RPS5: variants seen among roughly 807,000 people sequenced by gnomAD.
The protein encoded by RPS5 is small ribosomal subunit protein uS7.
A neutral mutation model predicts 20.9 loss-of-function variants in RPS5; 2 were observed. The observed-to-expected ratio is 0.10, with a 90% CI of 0.04 to 0.30. The LOEUF is 0.30. RPS5 is among the 10% of genes least tolerant of loss of function. The pLI, the probability that RPS5 is intolerant of heterozygous loss-of-function variation, is 1.00. For synonymous variants in RPS5, 112 were observed against 105.8 expected, an observed-to-expected ratio of 1.06 and a Z score of -0.36; for missense variants, 122 against 287.2, an observed-to-expected ratio of 0.42 and a Z score of 4.16.
chr19:58,393,669 G>A, intron 4 of RPS5, 182 bp downstream of exon 4: 1 of 688,932 alleles, frequency 1.5e-6, no homozygotes, highest in Non-Finnish European at 2.4e-6. Context: ...GTCCTCTTCG[G>A]GAACACATTT....
intron 2 of RPS5, chr19:58,388,636 GTTTTT>G (rs3048304): frequency 1.6e-3 from 332 of 209,560 alleles, no homozygotes; most frequent in African/African-American, 4.9e-3. Context: ...GCTGGCCGTA[GTTTTT>G]TTTTTTTTTT....
chr19:58,388,085 C>T, intron 1 of RPS5, 52 bp from the exon 2 acceptor site: 1 of 1,312,486 alleles, frequency 7.6e-7, no homozygotes, highest in Non-Finnish European at 1.1e-6. Context: ...TGCGCCTTTG[C>T]TCCATGCTAG....
chr19:58,393,364 T>A lies in RPS5; in HGVS notation c.324T>A (p.Pro108=). 1 of 1,613,968 alleles carries A rather than the reference T, an allele frequency of 6.2e-7. No homozygotes were observed. The highest frequency in any genetic ancestry group is 8.5e-7 in the Non-Finnish European group (1 of 1,179,998). Reference sequence around the variant, plus strand: ...CATATCCCCCTTCTCTCTAGAACCCTCTGCAGGTCCTGGTGAACGCCATCA... The same window carrying A: ...CATATCCCCCTTCTCTCTAGAACCCACTGCAGGTCCTGGTGAACGCCATCA... ...EIIHLLTGEN[P]LQVLVNAIIN... Residue 108 remains proline (P), a synonymous_variant, in exon 4 of 6, where the codon CCT becomes CCA. Coordinates refer to ENST00000196551, the MANE Select transcript of RPS5 (RefSeq NM_001009.4).
chr19:58,393,067 C>T lies in RPS5; in HGVS notation c.200C>T (p.Pro67Leu), dbSNP rs753583866. ...AAKRFRKAQC[P>L]IVERLTNSMM... ...AAACGCTTCCGCAAAGCTCAGTGTC[C>T]CATTGTGGAGCGCCTCACTAACTCC... The change falls in exon 3 of 6, where the codon CCC (proline) becomes CTC (leucine). Residue 67 changes from proline to leucine, a missense_variant. This residue lies in a region of RPS5 where 49 missense variants were observed against 64.9 expected (regional missense o/e 0.75). Coordinates refer to ENST00000196551, the MANE Select transcript of RPS5 (RefSeq NM_001009.4). 8.1e-6 allele frequency: 13 copies of T among 1,614,228 alleles called. No individual in the cohort carries two copies. In the Admixed American group the frequency reaches 2.2e-4, roughly 27 times the overall value.
chr19:58,391,557 T>C (rs1174109287), intron 2 of RPS5, among the ~76,000 whole-genome samples: 1 of 151,524 alleles, frequency 6.6e-6, no homozygotes, highest in Non-Finnish European at 1.5e-5. Flanking sequence ...GAGCCAAGAT[T>C]GCAACGTTGC....
intron 2 of RPS5, among the ~76,000 whole-genome samples, chr19:58,389,759 C>G (rs932754054): frequency 6.6e-6 from 1 of 151,824 alleles, no homozygotes; most frequent in Admixed American, 6.5e-5. Flanking sequence ...GCCTCAGCCT[C>G]CCAAGTAGCT....
At chr19:58,394,265 G>T in intron 4 of RPS5, 1 of 543,274 alleles carries the variant, frequency 1.8e-6, no homozygotes, top group Non-Finnish European at 3.3e-6. Context: ...TGCTGTTGAG[G>T]CAGGTCTCAA....
At chr19:58,390,677 G>A (rs1190737004) in intron 2 of RPS5, among the ~76,000 whole-genome samples, 3 of 151,884 alleles carry the variant, frequency 2.0e-5, no homozygotes, top group Admixed American at 1.3e-4. Flanking sequence ...TCTATTAAAC[G>A]TTTGTTAAGT....
chr19:58,388,588 C>T (rs8104424), intron 2 of RPS5: 18,792 of 411,890 alleles, frequency 0.046, 3,120 homozygotes, highest in African/African-American at 0.35. Context: ...TGTTTTTTTT[C>T]CCTCAATTGA....
chr19:58,388,257 T>C lies in RPS5; in HGVS notation c.108+12T>C. The C allele has an allele frequency of 6.3e-7, 1 of 1,576,616 alleles. No homozygotes were observed. Among genetic ancestry groups the C allele is most frequent in the East Asian group, 2.2e-5 (1 of 44,560 alleles). On this transcript the variant is annotated intron_variant, in intron 2 of 5. Transcript: ENST00000196551. ...ACATTTCCCTGCAGGTGAGGGGAAC[T>C]TGGTGATTGGCCTTCCTGGCTGGGG... is the stretch of plus-strand genomic sequence containing the variant.
chr19:58,392,003 T>G (rs192612799), intron 2 of RPS5, among the ~76,000 whole-genome samples: 2 of 152,272 alleles, frequency 1.3e-5, no homozygotes, highest in Admixed American at 1.3e-4. Context: ...TAGCAATGCC[T>G]GGATACATTT....
At chr19:58,389,573 A>G (rs1174523816) in intron 2 of RPS5, among the ~76,000 whole-genome samples, 1 of 150,606 alleles carries the variant, frequency 6.6e-6, no homozygotes, top group East Asian at 2.0e-4. Context: ...TCTTTCCTTC[A>G]GGGGTTTATT....
chr19:58,392,920 A>G lies in RPS5; in HGVS notation c.109-56A>G, dbSNP rs542382691. On this transcript the variant is annotated intron_variant, in intron 2 of 5. Coordinates refer to ENST00000196551, the MANE Select transcript of RPS5 (RefSeq NM_001009.4). The stretch of plus-strand genomic sequence containing the variant: ...TGATCTCTCCTCTGGTGTCTGGCCA[A>G]CGCCCATGCTGCTCCTGACCATTTT... The G allele has an allele frequency of 2.1e-5, 32 of 1,550,612 alleles. No individual in the cohort carries two copies. The East Asian group carries it at 4.1e-4, about 20-fold the overall frequency.
In RPS5 at chr19:58,388,217, A is replaced by T; in HGVS notation, c.80A>T (p.Asp27Val). Residue 27 changes from aspartate (D) to valine (V), a missense_variant, in exon 2 of 6, where the codon GAT becomes GTT. Asp to Val is a radical substitution (Grantham distance 152, BLOSUM62 -3). Around this residue, in one of 6 missense-constraint regions of RPS5, gnomAD observed 22 missense variants for 38.0 expected, o/e 0.58. Transcript: ENST00000196551. ...CTCTTTGGGAAGTGGAGCACCGATGATGTGCAGATCAATGACATTTCCCTG... is the reference window on the plus strand; with the variant it reads ...CTCTTTGGGAAGTGGAGCACCGATGTTGTGCAGATCAATGACATTTCCCTG... ...IKLFGKWSTD[D>V]VQINDISLQD... 6.2e-7 allele frequency: 1 copy of T among 1,612,756 alleles called. No individual in the cohort carries two copies. The highest frequency in any genetic ancestry group is 8.5e-7 in the Non-Finnish European group (1 of 1,179,472).
At chr19:58,393,544 G>A in intron 4 of RPS5, 57 bp downstream of exon 4, 1 of 1,574,156 alleles carries the variant, frequency 6.4e-7, no homozygotes. Flanking sequence ...AGTGGGTGGG[G>A]TCTTGCCTGG....
intron 1 of RPS5, 109 bp downstream of exon 1, chr19:58,387,448 A>G (rs547730261): frequency 6.6e-6 from 1 of 152,402 alleles, no homozygotes; most frequent in African/African-American, 2.4e-5. Flanking sequence ...GTCTCTGGAA[A>G]AGAAAATGTA....
chr19:58,393,240 C>A (rs1220437311), intron 3 of RPS5, 55 bp downstream of exon 3: 1 of 1,612,300 alleles, frequency 6.2e-7, no homozygotes, highest in Admixed American at 1.7e-5. Context: ...ACCCGAAAGC[C>A]CCACGGAGTG....
At chr19:58,387,450 G>A (rs1167610391) in intron 1 of RPS5, 111 bp downstream of exon 1, 1 of 152,316 alleles carries the variant, frequency 6.6e-6, no homozygotes, top group Non-Finnish European at 1.5e-5. Context: ...CTCTGGAAAA[G>A]AAAATGTAGA....
Position 58,393,715 on chromosome 19 carries a change from T to G in RPS5, c.447+228T>G. 3 of 542,024 alleles carry G rather than the reference T, an allele frequency of 5.5e-6. No individual in the cohort carries two copies. The South Asian group carries it at 7.2e-5, about 13-fold the overall frequency. 33.6% of individuals were successfully genotyped at this position (542,024 alleles called of 1,614,324 possible). On this transcript the variant is annotated intron_variant, in intron 4 of 5. Coordinates refer to ENST00000196551, the MANE Select transcript of RPS5 (RefSeq NM_001009.4). Reference sequence around the variant, plus strand: ...TTCTTTCTTTCCTTTGGGTGTATATTTTTACACTGTGTGTATATGTACTTT... The same window carrying G: ...TTCTTTCTTTCCTTTGGGTGTATATGTTTACACTGTGTGTATATGTACTTT...
Sources: gnomAD v4.1 joint callset for allele counts (sites outside exome capture counted in the v4.1 genomes callset) on GRCh38, gnomAD v4.1.1 for gene constraint, gnomAD v4.1.1 regional missense constraint, MANE v1.5 for transcripts, NCBI Gene and HGNC (gene_info 2026-07-23, HGNC 2026-07-21) for gene names.